The following KIAA1671 variants were observed in gnomAD, a reference collection of about 807,000 sequenced individuals.
KIAA1671 encodes KIAA1671.
Under a neutral mutation model 131.2 loss-of-function variants are expected in KIAA1671, and 52 were observed. That is an observed-to-expected ratio of 0.40 (90% CI 0.32 to 0.50). The LOEUF (loss-of-function observed/expected upper bound fraction) is 0.50. KIAA1671 is among the 20% of genes least tolerant of loss of function. KIAA1671 has a pLI of 0.73. For missense variants in KIAA1671, 2,360 were observed against 2,364.2 expected, an observed-to-expected ratio of 1.00 and a Z score of 0.04; for synonymous variants, 1,003 against 961.6, an observed-to-expected ratio of 1.04 and a Z score of -0.80.
At chr22:24,973,647 C>T (rs370543668) in intron 1 of KIAA1671, among the ~76,000 whole-genome samples, 13 of 151,836 alleles carry the variant, frequency 8.6e-5, no homozygotes, top group East Asian at 7.8e-4. Flanking sequence ...CTGCCTGCCT[C>T]GGCCTCCCAA....
At chr22:25,086,425 C>T (rs1929722844) in intron 6 of KIAA1671, among the ~76,000 whole-genome samples, 1 of 152,204 alleles carries the variant, frequency 6.6e-6, no homozygotes, top group South Asian at 2.1e-4. Context: ...ATGTGTTGAG[C>T]TGAACGCAGG....
intron 11 of KIAA1671, among the ~76,000 whole-genome samples, chr22:25,189,891 C>G (rs1934613079): frequency 6.6e-6 from 1 of 152,180 alleles, no homozygotes. Context: ...GAGTTACAGG[C>G]ATGAGCCACT....
At chr22:24,980,295 G>A (rs1353631341) in intron 1 of KIAA1671, among the ~76,000 whole-genome samples, 3 of 134,114 alleles carry the variant, frequency 2.2e-5, no homozygotes, top group African/African-American at 9.0e-5. Context: ...TTTTTGAGAC[G>A]GCGTCTTGCT....
At chr22:25,072,177 T>G (rs960224243) in intron 6 of KIAA1671, among the ~76,000 whole-genome samples, 3 of 152,158 alleles carry the variant, frequency 2.0e-5, no homozygotes, top group African/African-American at 7.2e-5. Context: ...TTCCAGGTAC[T>G]GGCCTAAGCT....
intron 1 of KIAA1671, among the ~76,000 whole-genome samples, chr22:24,988,095 G>A (rs1200991352): frequency 1.3e-5 from 2 of 152,112 alleles, no homozygotes; most frequent in Admixed American, 6.6e-5. Flanking sequence ...GGCTAACATG[G>A]TGAAACCCCG....
rs1257185133 is a variant in KIAA1671, at chr22:25,029,245, G to A, written c.1246G>A (p.Val416Ile). The A allele has an allele frequency of 6.0e-6, 9 of 1,488,942 alleles. No individual in the cohort carries two copies. The highest frequency in any genetic ancestry group is 2.8e-5 in the African/African-American group (2 of 71,434). 92.2% of individuals were successfully genotyped at this position (1,488,942 alleles called of 1,614,324 possible). Residue 416 changes from valine to isoleucine, a missense_variant, in exon 3 of 13, where the codon GTT becomes ATT. By Grantham distance (29) the Val-to-Ile change is conservative. This residue lies in a region of KIAA1671 where 1,185 missense variants were observed against 1,126.2 expected (regional missense o/e 1.05). Coordinates refer to ENST00000358431, the MANE Select transcript of KIAA1671 (RefSeq NM_001145206.2). ...RLGRGLELAE[V>I]KSRVADGEAA... Reference sequence around the variant, plus strand: ...GGGAAGGGGCCTAGAACTTGCTGAGGTTAAGAGCAGAGTGGCGGATGGGGA... The same window carrying A: ...GGGAAGGGGCCTAGAACTTGCTGAGATTAAGAGCAGAGTGGCGGATGGGGA...
chr22:25,053,870 T>C (rs1927686233), intron 6 of KIAA1671: 1 of 152,098 alleles, frequency 6.6e-6, no homozygotes, highest in Non-Finnish European at 1.5e-5. Flanking sequence ...GCTACAGTTA[T>C]GACTAAGGCA....
chr22:25,146,794 G>T (rs750593805), intron 6 of KIAA1671, among the ~76,000 whole-genome samples: 2 of 152,200 alleles, frequency 1.3e-5, no homozygotes, highest in Non-Finnish European at 2.9e-5. Flanking sequence ...CATGTAGACA[G>T]TCAGTGCCCA....
intron 6 of KIAA1671, among the ~76,000 whole-genome samples, chr22:25,107,010 A>T (rs1931041087): frequency 6.6e-6 from 1 of 152,246 alleles, no homozygotes; most frequent in Admixed American, 6.5e-5. Flanking sequence ...AAAGTTGGAC[A>T]CAGTGCCCCC....
At chr22:25,153,114 G>GTA (rs1184739043) in intron 6 of KIAA1671, among the ~76,000 whole-genome samples, 2 of 152,052 alleles carry the variant, frequency 1.3e-5, no homozygotes, top group Non-Finnish European at 2.9e-5. Flanking sequence ...ACATAGTATA[G>GTA]TATATCAATA....
intron 6 of KIAA1671, among the ~76,000 whole-genome samples, chr22:25,116,706 C>T (rs1433066987): frequency 1.3e-5 from 2 of 152,120 alleles, no homozygotes; most frequent in African/African-American, 2.4e-5. Flanking sequence ...CAGGTGTGAG[C>T]CACCACACCT....
chr22:25,102,291 G>GT, intron 6 of KIAA1671: 1 of 152,414 alleles, frequency 6.6e-6, no homozygotes, highest in Middle Eastern at 3.4e-3. Context: ...GTCTGGGCCT[G>GT]TTTCTTCAGT....
At chr22:25,117,632 CACACAG>C (rs1184414061) in intron 6 of KIAA1671, among the ~76,000 whole-genome samples, 39 of 149,118 alleles carry the variant, frequency 2.6e-4, no homozygotes, top group Admixed American at 1.4e-3. Context: ...CACACACACA[CACACAG>C]ACACACTGCT....
chr22:24,992,387 A>G (rs1923888766), intron 1 of KIAA1671, among the ~76,000 whole-genome samples: 2 of 152,154 alleles, frequency 1.3e-5, no homozygotes, highest in Non-Finnish European at 2.9e-5. Context: ...TCTCTTTGCC[A>G]TTCCTGACTT....
Position 25,147,469 on chromosome 22 carries a change from A to C in KIAA1671, c.4531-23351A>C, listed in dbSNP as rs564744739. Among the ~76,000 whole-genome samples, 192 of 152,266 alleles carry C rather than the reference A, an allele frequency of 1.3e-3. 3 individuals carry two copies. The South Asian group carries it at 0.031, about 25-fold the overall frequency. ...CGGCCTCCCACAGTGTTGGGATTGTAGGTGTGAGCCACCGCACCTGGCCCC... is the reference window on the plus strand; with the variant it reads ...CGGCCTCCCACAGTGTTGGGATTGTCGGTGTGAGCCACCGCACCTGGCCCC... On this transcript the variant is annotated intron_variant, in intron 6 of 12. Coordinates refer to ENST00000358431, the MANE Select transcript of KIAA1671 (RefSeq NM_001145206.2).
intron 11 of KIAA1671, among the ~76,000 whole-genome samples, chr22:25,189,304 C>A (rs902751435): frequency 3.9e-5 from 6 of 152,004 alleles, no homozygotes; most frequent in African/African-American, 1.5e-4. Context: ...TCCTGAGTAG[C>A]TGGGACTACA....
intron 6 of KIAA1671, among the ~76,000 whole-genome samples, chr22:25,074,649 A>G (rs184311990): frequency 2.6e-5 from 4 of 152,274 alleles, no homozygotes; most frequent in African/African-American, 9.6e-5. Context: ...AGATGAGTAC[A>G]AAGAAGAAAA....
intron 6 of KIAA1671, among the ~76,000 whole-genome samples, chr22:25,069,068 G>T (rs1041312473): frequency 6.6e-6 from 1 of 152,142 alleles, no homozygotes; most frequent in African/African-American, 2.4e-5. Context: ...ATCCAGGAGC[G>T]TCTGGCTTGT....
At chr22:25,010,830 G>A (rs192289026) in intron 1 of KIAA1671, 1 of 152,276 alleles carries the variant, frequency 6.6e-6, no homozygotes, top group African/African-American at 2.4e-5. Flanking sequence ...TCAGAGTTAG[G>A]GCAGTGGCTT....
Sources: allele counts gnomAD v4.1 joint callset (sites outside exome capture counted in the v4.1 genomes callset), GRCh38; gene constraint gnomAD v4.1.1; regional missense constraint gnomAD v4.1.1; transcripts MANE v1.5; gene names NCBI Gene and HGNC (gene_info 2026-07-23, HGNC 2026-07-21).